Variants in PITPNM2 observed in about 807,000 individuals in gnomAD.
PITPNM2 encodes phosphatidylinositol transfer protein membrane associated 2, also known as membrane-associated phosphatidylinositol transfer protein 2.
A neutral mutation model predicts 132.2 loss-of-function variants in PITPNM2; 35 were observed. That is an observed-to-expected ratio of 0.26 (90% CI 0.20 to 0.35). The LOEUF is 0.35. Ranked by LOEUF, PITPNM2 falls within the 10% of genes least tolerant of loss-of-function variation. The pLI, the probability that PITPNM2 is intolerant of heterozygous loss-of-function variation, is 1.00. For synonymous variants in PITPNM2, 738 were observed against 799.2 expected (o/e 0.92, Z 1.29); for missense variants, 1,332 against 1,912.0 (o/e 0.70, Z 5.66).
chr12:123,142,706 G>A (rs140342309), intron 1 of PITPNM2, among the ~76,000 whole-genome samples: 349 of 152,242 alleles, frequency 2.3e-3, no homozygotes, highest in South Asian at 6.9e-3. Context: ...TTCCTTACAC[G>A]ATAACCCGCT....
intron 2 of PITPNM2, chr12:123,105,213 A>T (rs978837791): frequency 1.3e-5 from 2 of 151,964 alleles, no homozygotes; most frequent in Non-Finnish European, 1.5e-5. Flanking sequence ...AACTCTGATC[A>T]CCATCTGATG....
rs1027176332 is a variant in PITPNM2, at chr12:123,132,076, C to T, written c.-200+18677G>A. ...CCCCAGGACTGAAGCACCTGCCTCT[C>T]GACAGAACTGTCTCCCACTCGCTCT... is the stretch of plus-strand genomic sequence containing the variant. On this transcript the variant is annotated intron_variant, in intron 1 of 25. Transcript: ENST00000320201. Among the ~76,000 whole-genome samples the T allele has an allele frequency of 3.3e-5, 5 of 152,376 alleles. No individual in the cohort carries two copies. The East Asian group carries it at 7.7e-4, about 23-fold the overall frequency.
chr12:123,066,104 C>T (rs1220386716), intron 2 of PITPNM2, among the ~76,000 whole-genome samples: 1 of 152,140 alleles, frequency 6.6e-6, no homozygotes, highest in Non-Finnish European at 1.5e-5. Context: ...GTCTCATCTG[C>T]GATGGGCCAG....
At chr12:123,063,445 G>A (rs1381058901) in intron 2 of PITPNM2, among the ~76,000 whole-genome samples, 1 of 152,234 alleles carries the variant, frequency 6.6e-6, no homozygotes, top group Non-Finnish European at 1.5e-5. Flanking sequence ...CACACAGCTG[G>A]TGCTTAGGAA....
At chr12:123,126,515 A>T (rs1163219544) in intron 1 of PITPNM2, among the ~76,000 whole-genome samples, 1 of 152,194 alleles carries the variant, frequency 6.6e-6, no homozygotes, top group African/African-American at 2.4e-5. Context: ...TGGTCATGCA[A>T]ACCACTATGG....
At position 123,083,663 on chromosome 12, in the gene PITPNM2, C is replaced by A. The variant is rs1183589504; in HGVS notation, c.-96+26722G>T. 6.6e-6 allele frequency: 1 copy of A among 152,380 alleles called. No homozygotes were observed. Among genetic ancestry groups the A allele is most frequent in the African/African-American group, 2.4e-5 (1 of 41,440 alleles). 9.4% of individuals were successfully genotyped at this position (152,380 alleles called of 1,614,324 possible). Reference sequence around the variant, plus strand: ...ATGGAGGTGACAATGTGCCCTGGAGCCTCACAAGGCAGCAGCCACCAGGAA... The same window carrying A: ...ATGGAGGTGACAATGTGCCCTGGAGACTCACAAGGCAGCAGCCACCAGGAA... On this transcript the variant is annotated intron_variant, in intron 2 of 25. Transcript: ENST00000320201. This position sits in a 1 kb window ranked among gnomAD's most constrained non-coding sequence, Gnocchi z 4.5.
rs1218433670 is a variant in PITPNM2, at chr12:122,993,970, G to A, written c.2233+831C>T. Reference sequence around the variant, plus strand: ...CTCACCGCAACCTCCGCCCTCCCGTGTTCAGGCGATTCTCCTGCCTCAGGC... The same window carrying A: ...CTCACCGCAACCTCCGCCCTCCCGTATTCAGGCGATTCTCCTGCCTCAGGC... On this transcript the variant is annotated intron_variant, in intron 15 of 25. Transcript: ENST00000320201. This position sits in a 1 kb window ranked among gnomAD's most constrained non-coding sequence, Gnocchi z 5.2. Among the ~76,000 whole-genome samples the A allele has an allele frequency of 1.3e-5, 2 of 151,988 alleles. No individual in the cohort carries two copies. The highest frequency in any genetic ancestry group is 2.4e-5 in the African/African-American group (1 of 41,350).
intron 1 of PITPNM2, among the ~76,000 whole-genome samples, chr12:123,137,892 CAA>C (rs72436741): frequency 9.4e-5 from 12 of 127,002 alleles, no homozygotes; most frequent in South Asian, 2.5e-4. Context: ...GATTCTGTCT[CAA>C]AAAAAAAAAA....
At position 122,984,572 on chromosome 12, in the gene PITPNM2, C is replaced by T. The variant is rs1017845338; in HGVS notation, c.*1455G>A. 1.3e-5 allele frequency: 2 copies of T among 152,286 alleles called. No individual in the cohort carries two copies. Among genetic ancestry groups the T allele is most frequent in the Non-Finnish European group, 2.9e-5 (2 of 68,074 alleles). 9.4% of individuals were successfully genotyped at this position (152,286 alleles called of 1,614,324 possible). ...TAAATAGCTTTCACTCTGTATAGAC[C>T]CACTTTTGCAGAACATTTACACGAC... On this transcript the variant is annotated 3_prime_UTR_variant, in exon 26 of 26. Transcript: ENST00000320201.
intron 8 of PITPNM2, among the ~76,000 whole-genome samples, chr12:123,001,907 T>C (rs553492917): frequency 6.1e-4 from 93 of 151,984 alleles, no homozygotes; most frequent in Non-Finnish European, 8.7e-4. Context: ...GGTGTGCGCC[T>C]GTAGTCTCAG....
chr12:123,044,535 G>A (rs1378054979), intron 2 of PITPNM2, among the ~76,000 whole-genome samples: 1 of 152,202 alleles, frequency 6.6e-6, no homozygotes, highest in Non-Finnish European at 1.5e-5. Context: ...GAGTTGATAA[G>A]AGGCACTGCT....
intron 11 of PITPNM2, among the ~76,000 whole-genome samples, 197 bp from the exon 12 acceptor site, chr12:122,997,107 C>T (rs1333829725): frequency 6.6e-6 from 1 of 152,236 alleles, no homozygotes; most frequent in African/African-American, 2.4e-5. Flanking sequence ...CCCCACATTA[C>T]ACGTTTGGAA....
chr12:123,011,708 G>A (rs1255992899), intron 5 of PITPNM2, among the ~76,000 whole-genome samples: 1 of 152,208 alleles, frequency 6.6e-6, no homozygotes, highest in African/African-American at 2.4e-5. Flanking sequence ...GAACGAGGCA[G>A]AGATTGGAGG....
At chr12:123,138,068 G>A (rs1236270478) in intron 1 of PITPNM2, among the ~76,000 whole-genome samples, 1 of 152,050 alleles carries the variant, frequency 6.6e-6, no homozygotes, top group East Asian at 1.9e-4. Flanking sequence ...AATTTCACTA[G>A]CCCAGAAACA....
chr12:123,119,764 A>G (rs965967370), intron 1 of PITPNM2, among the ~76,000 whole-genome samples: 3 of 151,170 alleles, frequency 2.0e-5, no homozygotes, highest in Non-Finnish European at 4.4e-5. Context: ...TTCTGGGTCA[A>G]TGCTAAATAT....
chr12:123,103,185 G>T (rs1421774143), intron 2 of PITPNM2, among the ~76,000 whole-genome samples: 1 of 152,178 alleles, frequency 6.6e-6, no homozygotes, highest in South Asian at 2.1e-4. Context: ...TTGTTTTAGT[G>T]ACTGTCCTTA....
chr12:123,080,583 G>C (rs1421165974), intron 2 of PITPNM2, among the ~76,000 whole-genome samples: 3 of 152,272 alleles, frequency 2.0e-5, no homozygotes, highest in Non-Finnish European at 4.4e-5. Context: ...CCAAGGCAGA[G>C]ATCCTAAAAG....
chr12:123,144,861 G>T (rs974381123), intron 1 of PITPNM2, among the ~76,000 whole-genome samples: 2 of 152,190 alleles, frequency 1.3e-5, no homozygotes, highest in Non-Finnish European at 2.9e-5. Flanking sequence ...CACCATGCCC[G>T]ATCTCTTTTA....
chr12:123,060,255 A>C (rs527268015), intron 2 of PITPNM2, among the ~76,000 whole-genome samples: 2 of 152,170 alleles, frequency 1.3e-5, no homozygotes, highest in Non-Finnish European at 2.9e-5. Context: ...ACCTTCATTC[A>C]CCAAAGCACC....
Sources: gnomAD v4.1 joint callset for allele counts (sites outside exome capture counted in the v4.1 genomes callset) on GRCh38, gnomAD v4.1.1 for gene constraint, Gnocchi (gnomAD v3.1) non-coding constraint, MANE v1.5 for transcripts, NCBI Gene and HGNC (gene_info 2026-07-23, HGNC 2026-07-21) for gene names.